B3GNT2: variants seen among roughly 807,000 people sequenced by gnomAD.
B3GNT2 encodes UDP-GlcNAc:betaGal beta-1,3-N-acetylglucosaminyltransferase 2, also known as N-acetyllactosaminide beta-1,3-N-acetylglucosaminyltransferase 2.
A neutral mutation model predicts 27.6 loss-of-function variants in B3GNT2; 12 were observed. The ratio of observed to expected loss-of-function variants is 0.44; its 90% CI spans 0.28 to 0.71. B3GNT2 has a LOEUF of 0.71. Ranked by LOEUF, B3GNT2 falls within the 30% of genes least tolerant of loss-of-function variation. The pLI is 0.17. For synonymous variants in B3GNT2, 192 were observed against 189.7 expected (o/e 1.01, Z -0.10); for missense variants, 413 against 488.5 (o/e 0.85, Z 1.46).
chr2:62,196,524 GGTGGA>G (rs1346681745), intron 1 of B3GNT2, among the ~76,000 whole-genome samples, 169 bp downstream of exon 1: 1 of 152,208 alleles, frequency 6.6e-6, no homozygotes, highest in Non-Finnish European at 1.5e-5. Flanking sequence ...CCCGCGCCCC[GGTGGA>G]GGAAGCCGTC....
chr2:62,212,123 G>GT (rs996126358), intron 1 of B3GNT2, among the ~76,000 whole-genome samples: 1 of 152,180 alleles, frequency 6.6e-6, no homozygotes, highest in Non-Finnish European at 1.5e-5. Flanking sequence ...CCCTTTAAAT[G>GT]TTTTTTCTTT....
intron 1 of B3GNT2, among the ~76,000 whole-genome samples, chr2:62,216,233 G>A (rs1445301702): frequency 6.6e-6 from 1 of 152,096 alleles, no homozygotes; most frequent in Non-Finnish European, 1.5e-5. Flanking sequence ...GTCCATGAGT[G>A]AAACGTTGGA....
At chr2:62,202,355 G>A (rs547223894) in intron 1 of B3GNT2, among the ~76,000 whole-genome samples, 2 of 152,350 alleles carry the variant, frequency 1.3e-5, no homozygotes, top group East Asian at 3.9e-4. Flanking sequence ...AAGTGCTCAA[G>A]GGATTGTAGG....
rs139485156 is a variant in B3GNT2, at chr2:62,223,150, C to G, written c.930C>G (p.Leu310=). Residue 310 remains leucine (L), a synonymous_variant, in exon 2 of 2, where the codon CTC becomes CTG. Transcript: ENST00000301998. ...CCTATGCAGGGGGAGGGGGGTTCCTCTACTCCGGCCACCTGGCCCTGAGGC... is the reference window on the plus strand; with the variant it reads ...CCTATGCAGGGGGAGGGGGGTTCCTGTACTCCGGCCACCTGGCCCTGAGGC... ...YPPYAGGGGF[L]YSGHLALRLY... 1.1e-5 allele frequency: 17 copies of G among 1,614,110 alleles called. No individual in the cohort carries two copies. Among genetic ancestry groups the G allele is most frequent in the Admixed American group, 5.0e-5 (3 of 60,008 alleles).
At chr2:62,220,800 C>T (rs1445174197) in intron 1 of B3GNT2, among the ~76,000 whole-genome samples, 1 of 152,160 alleles carries the variant, frequency 6.6e-6, no homozygotes, top group Non-Finnish European at 1.5e-5. Flanking sequence ...TTTGGGCTAT[C>T]TTTTAATGTC....
chr2:62,214,424 A>G (rs921196924), intron 1 of B3GNT2, among the ~76,000 whole-genome samples: 5 of 152,208 alleles, frequency 3.3e-5, no homozygotes, highest in African/African-American at 1.2e-4. Flanking sequence ...AAGCAACTCA[A>G]GGTAATGTGG....
At chr2:62,212,274 T>C (rs1285722008) in intron 1 of B3GNT2, among the ~76,000 whole-genome samples, 1 of 152,164 alleles carries the variant, frequency 6.6e-6, no homozygotes, top group Non-Finnish European at 1.5e-5. Context: ...CATCTGTTGC[T>C]CTGTTTTCTG....
rs571989763 is a variant in B3GNT2 at position 62,204,940 on chromosome 2, G to T, written c.-10+8585G>T. On this transcript the variant is annotated intron_variant, in intron 1 of 1. Coordinates refer to ENST00000301998, the MANE Select transcript of B3GNT2 (RefSeq NM_006577.6). ...ATCTCTACCCCACTCACGACTAGGGGCCCATGGGCACCATCTAGAGAGGGA... is the reference window on the plus strand; with the variant it reads ...ATCTCTACCCCACTCACGACTAGGGTCCCATGGGCACCATCTAGAGAGGGA... Among the ~76,000 whole-genome samples, 3 of 152,266 alleles carry T rather than the reference G, an allele frequency of 2.0e-5. No homozygotes were observed. The East Asian group carries it at 5.8e-4, about 29-fold the overall frequency.
chr2:62,205,673 G>A (rs182098497), intron 1 of B3GNT2, among the ~76,000 whole-genome samples: 2 of 152,322 alleles, frequency 1.3e-5, no homozygotes, highest in Non-Finnish European at 1.5e-5. Context: ...GGAGGATGAT[G>A]TCTGACTGTG....
intron 1 of B3GNT2, among the ~76,000 whole-genome samples, chr2:62,208,234 TC>T (rs1457664249): frequency 1.9e-4 from 17 of 89,536 alleles, no homozygotes; most frequent in African/African-American, 7.1e-4. Context: ...CCCCCTTCCT[TC>T]CCCCCCAATC....
chr2:62,211,512 T>C (rs1201632402), intron 1 of B3GNT2, among the ~76,000 whole-genome samples: 1 of 152,186 alleles, frequency 6.6e-6, no homozygotes, highest in Non-Finnish European at 1.5e-5. Flanking sequence ...CCAACTAAAG[T>C]TGTAATCAAT....
chr2:62,200,699 C>G (rs183323937), intron 1 of B3GNT2, among the ~76,000 whole-genome samples: 2 of 152,172 alleles, frequency 1.3e-5, no homozygotes. Context: ...ATGTCTTGTC[C>G]GTGTTCCCAC....
intron 1 of B3GNT2, among the ~76,000 whole-genome samples, chr2:62,213,535 C>G (rs1421614275): frequency 6.6e-6 from 1 of 152,144 alleles, no homozygotes; most frequent in Non-Finnish European, 1.5e-5. Flanking sequence ...AAGCACTGCT[C>G]AATCCCACAC....
In B3GNT2 at chr2:62,223,216, T is replaced by C. The variant is rs1458874536; in HGVS notation, c.996T>C (p.Asp332=). 2 of 1,614,116 alleles carry C rather than the reference T, an allele frequency of 1.2e-6. No homozygotes were observed. The highest frequency in any genetic ancestry group is 1.7e-6 in the Non-Finnish European group (2 of 1,180,034). ...ITDQVHLYPI[D]DVYTGMCLQK... ...ACCAGGTCCATCTCTACCCCATTGA[T>C]GACGTTTATACTGGAATGTGCCTTC... The change falls in exon 2 of 2, where the codon GAT becomes GAC. Residue 332 remains aspartate (D), a synonymous_variant. Coordinates refer to ENST00000301998, the MANE Select transcript of B3GNT2 (RefSeq NM_006577.6).
chr2:62,204,201 T>C (rs1224112382), intron 1 of B3GNT2, among the ~76,000 whole-genome samples: 1 of 152,218 alleles, frequency 6.6e-6, no homozygotes, highest in Non-Finnish European at 1.5e-5. Flanking sequence ...TAATTTTGTA[T>C]TTCTAGTAGA....
At chr2:62,201,897 G>C (rs551459517) in intron 1 of B3GNT2, among the ~76,000 whole-genome samples, 1 of 152,184 alleles carries the variant, frequency 6.6e-6, no homozygotes, top group African/African-American at 2.4e-5. Flanking sequence ...TAGCAGAGAA[G>C]GCAAGAGTCT....
rs1674732995 is a variant in B3GNT2 at position 62,222,499 on chromosome 2, G to C, written c.279G>C (p.Leu93=). 1 of 1,614,152 alleles carries C rather than the reference G, an allele frequency of 6.2e-7. No homozygotes were observed. Among genetic ancestry groups the C allele is most frequent in the Non-Finnish European group, 8.5e-7 (1 of 1,180,032 alleles). ...GCAGGCTCTCCAATATAAGCCATCT[G>C]AACTACTGCGAACCTGACCTGAGGG... is the stretch of plus-strand genomic sequence containing the variant. ...EAGRLSNISH[L]NYCEPDLRVT... Residue 93 remains leucine, a synonymous_variant, in exon 2 of 2, where the codon CTG becomes CTC. Transcript: ENST00000301998. This position sits in a 1 kb window ranked among gnomAD's most constrained non-coding sequence, Gnocchi z 4.2.
intron 1 of B3GNT2, chr2:62,205,957 A>G (rs1032246620): frequency 2.6e-5 from 4 of 154,368 alleles, no homozygotes; most frequent in Non-Finnish European, 5.9e-5. Context: ...AGAGGATGAA[A>G]TCGATGGACT....
At chr2:62,204,803 CTTT>C (rs1316057066) in intron 1 of B3GNT2, among the ~76,000 whole-genome samples, 1 of 152,116 alleles carries the variant, frequency 6.6e-6, no homozygotes, top group Non-Finnish European at 1.5e-5. Context: ...GATGGATCGT[CTTT>C]TTTTAACTCT....
Sources: gnomAD v4.1 joint callset for allele counts (sites outside exome capture counted in the v4.1 genomes callset) on GRCh38, gnomAD v4.1.1 for gene constraint, Gnocchi (gnomAD v3.1) non-coding constraint, MANE v1.5 for transcripts, NCBI Gene and HGNC (gene_info 2026-07-23, HGNC 2026-07-21) for gene names.